The following RBM20 variants were observed in gnomAD, a reference collection of about 807,000 sequenced individuals.
RBM20 encodes the protein RNA binding motif protein 20.
A neutral mutation model predicts 110.1 loss-of-function variants in RBM20; 51 were observed. The ratio of observed to expected loss-of-function variants is 0.46; its 90% CI spans 0.37 to 0.59. The LOEUF is 0.59. RBM20 is among the 20% of genes least tolerant of loss of function. RBM20 has a pLI of 0.00. For missense variants in RBM20, 1,512 were observed against 1,574.9 expected, an observed-to-expected ratio of 0.96 and a Z score of 0.68; for synonymous variants, 589 against 618.2, an observed-to-expected ratio of 0.95 and a Z score of 0.70.
chr10:110,680,003 G>A (rs1489465282), intron 1 of RBM20, among the ~76,000 whole-genome samples: 1 of 152,194 alleles, frequency 6.6e-6, no homozygotes, highest in Non-Finnish European at 1.5e-5. Flanking sequence ...CTCATATTTT[G>A]AGATAAGGGC....
At chr10:110,729,965 G>T (rs1211265239) in intron 1 of RBM20, among the ~76,000 whole-genome samples, 1 of 152,138 alleles carries the variant, frequency 6.6e-6, no homozygotes, top group African/African-American at 2.4e-5. Context: ...ACAGGCATGC[G>T]CCACCATGCC....
At chr10:110,647,412 T>A (rs1861884218) in intron 1 of RBM20, among the ~76,000 whole-genome samples, 1 of 152,228 alleles carries the variant, frequency 6.6e-6, no homozygotes, top group Non-Finnish European at 1.5e-5. Context: ...TTTTCTGCTC[T>A]TGTTTACTGT....
intron 9 of RBM20, among the ~76,000 whole-genome samples, chr10:110,819,343 G>A (rs752210997): frequency 1.3e-5 from 2 of 152,204 alleles, no homozygotes; most frequent in Admixed American, 6.5e-5. Flanking sequence ...TTATGTAAAC[G>A]TGTAAAATTC....
At position 110,677,467 on chromosome 10, in the gene RBM20, C is replaced by T. The variant is rs188676108; in HGVS notation, c.191+32822C>T. ...CCGAGTAGCTGGGACTACGGGTGCC[C>T]ACCACCACGCCCAGCTAATTTTTTG... On this transcript the variant is annotated intron_variant, in intron 1 of 13. Transcript: ENST00000369519. Among the ~76,000 whole-genome samples, 123 of 152,176 alleles carry T rather than the reference C, an allele frequency of 8.1e-4. No individual in the cohort carries two copies. In the Middle Eastern group the frequency reaches 0.027, roughly 34 times the overall value.
Position 110,821,560 on chromosome 10 carries a change from C to T in RBM20, c.2941C>T (p.Pro981Ser). Residue 981 changes from proline to serine, a missense_variant, in exon 11 of 14, where the codon CCC (proline) becomes TCC (serine). Coordinates refer to ENST00000369519, the MANE Select transcript of RBM20 (RefSeq NM_001134363.3). ...GGCTGCAGAAATCAGCCTCAAGTCA[C>T]CCAGAGAACTGCCCTCTGCTTCCAC... The part of the protein sequence containing the change: ...NGAAEISLKS[P>S]RELPSASTSC... 6.4e-7 allele frequency: 1 copy of T among 1,551,222 alleles called. No individual in the cohort carries two copies. The highest frequency in any genetic ancestry group is 8.7e-7 in the Non-Finnish European group (1 of 1,146,382).
At chr10:110,758,570 C>A (rs1018614173) in intron 1 of RBM20, among the ~76,000 whole-genome samples, 1 of 152,120 alleles carries the variant, frequency 6.6e-6, no homozygotes, top group African/African-American at 2.4e-5. Flanking sequence ...GACAGTAGCA[C>A]TGGGACGTGA....
rs1276098360 is a variant in RBM20, at chr10:110,812,789, C to T, written c.2392C>T (p.Pro798Ser). Residue 798 changes from proline (P) to serine (S), a missense_variant, in exon 9 of 14, where the codon CCG becomes TCG. Pro to Ser is a moderately conservative substitution (Grantham distance 74, BLOSUM62 -1). Around this residue, in one of 3 missense-constraint regions of RBM20, gnomAD observed 1,149 missense variants for 1,169.4 expected, o/e 0.98. Transcript: ENST00000369519. ...ARLRESRHPHPDDSGKEDGLG... is the reference protein window; with the variant it reads ...ARLRESRHPHSDDSGKEDGLG... The stretch of plus-strand genomic sequence containing the variant: ...GCTGCGGGAAAGCAGACACCCCCAT[C>T]CGGATGACTCAGGCAAGGAAGATGG... 2 of 1,551,474 alleles carry T rather than the reference C, an allele frequency of 1.3e-6. No individual in the cohort carries two copies. The highest frequency in any genetic ancestry group is 1.7e-6 in the Non-Finnish European group (2 of 1,146,844).
intron 1 of RBM20, among the ~76,000 whole-genome samples, chr10:110,730,140 C>A (rs926626578): frequency 6.6e-6 from 1 of 152,092 alleles, no homozygotes; most frequent in African/African-American, 2.4e-5. Flanking sequence ...AAGACTAGTC[C>A]CAAGCACCAG....
chr10:110,746,232 A>C (rs1843778608), intron 1 of RBM20, among the ~76,000 whole-genome samples: 1 of 152,154 alleles, frequency 6.6e-6, no homozygotes, highest in Non-Finnish European at 1.5e-5. Context: ...AGGCCAATTG[A>C]GGTAGAGGCT....
rs535121368 is a variant in RBM20 at position 110,783,267 on chromosome 10, C to T, written c.1276-99C>T. 6.2e-5 allele frequency: 54 copies of T among 864,860 alleles called. No individual in the cohort carries two copies. The African/African-American group carries it at 7.2e-4, about 12-fold the overall frequency. The allele number at this position is 864,860 out of a possible 1,614,324, so 53.6% of individuals were successfully genotyped here. A position where few individuals can be genotyped will look rare whatever the true frequency, so the allele number is the denominator to read the frequency against. ...CTGCAGGGGTGGTCCAGCCTCTGGG[C>T]GCTCTGTGCTCCCTGCCTGACCAGT... On this transcript the variant is annotated intron_variant, in intron 2 of 13. Transcript: ENST00000369519.
chr10:110,687,995 T>TTGTGTGTG (rs60479740), intron 1 of RBM20, among the ~76,000 whole-genome samples: 83 of 145,472 alleles, frequency 5.7e-4, no homozygotes, highest in African/African-American at 1.6e-3. Flanking sequence ...CTAAATGGTT[T>TTGTGTGTG]TGTGTGTGTG....
intron 1 of RBM20, among the ~76,000 whole-genome samples, chr10:110,707,238 A>G (rs1233376861): frequency 1.3e-5 from 2 of 152,216 alleles, no homozygotes; most frequent in Non-Finnish European, 2.9e-5. Context: ...CTAGAAAAAC[A>G]TCTCATGTTG....
At chr10:110,797,703 A>G in intron 6 of RBM20, 55 bp downstream of exon 6, 1 of 1,491,204 alleles carries the variant, frequency 6.7e-7, no homozygotes, top group Non-Finnish European at 9.1e-7. Flanking sequence ...ACATTAGTGA[A>G]AGGGAACGAT....
chr10:110,672,409 C>A (rs1181299718), intron 1 of RBM20, among the ~76,000 whole-genome samples: 1 of 152,324 alleles, frequency 6.6e-6, no homozygotes, highest in East Asian at 1.9e-4. Context: ...AGGGGAGGCT[C>A]CCCTCGCCGA....
At chr10:110,807,505 G>T (rs11195334) in intron 7 of RBM20, among the ~76,000 whole-genome samples, 9,264 of 152,272 alleles carry the variant, frequency 0.061, 397 homozygotes, top group Non-Finnish European at 0.095. Context: ...AGGGCCTGGG[G>T]GTGCCATCTG....
chr10:110,781,226 C>T lies in RBM20; in HGVS notation c.617C>T (p.Thr206Ile), dbSNP rs1844340458. ...CCTTTCACTGGGGTAATGCCTCAGA[C>T]CCCTGGCCAGCCAGCAGTCATCTTG... ...MHPFTGVMPQ[T>I]PGQPAVILGI... Residue 206 changes from threonine to isoleucine, a missense_variant, in exon 2 of 14, where the codon ACC becomes ATC. Coordinates refer to ENST00000369519, the MANE Select transcript of RBM20 (RefSeq NM_001134363.3). The T allele has an allele frequency of 6.4e-7, 1 of 1,551,678 alleles. No homozygotes were observed. The highest frequency in any genetic ancestry group is 8.7e-7 in the Non-Finnish European group (1 of 1,147,000).
chr10:110,731,238 T>A (rs1413742834), intron 1 of RBM20, among the ~76,000 whole-genome samples: 1 of 152,222 alleles, frequency 6.6e-6, no homozygotes, highest in East Asian at 1.9e-4. Flanking sequence ...TCCTCTCACC[T>A]CCTCCATGTC....
At chr10:110,796,026 A>G (rs1249196652) in intron 5 of RBM20, among the ~76,000 whole-genome samples, 2 of 152,202 alleles carry the variant, frequency 1.3e-5, no homozygotes, top group African/African-American at 4.8e-5. Context: ...CAAGCTAAAA[A>G]TATTTCGAAA....
chr10:110,695,051 C>T (rs1862641207), intron 1 of RBM20, among the ~76,000 whole-genome samples: 1 of 152,144 alleles, frequency 6.6e-6, no homozygotes, highest in Non-Finnish European at 1.5e-5. Flanking sequence ...GATATTGTCA[C>T]TTCAAAGGAT....
Sources: gnomAD v4.1 joint callset for allele counts (sites outside exome capture counted in the v4.1 genomes callset) on GRCh38, gnomAD v4.1.1 for gene constraint, gnomAD v4.1.1 regional missense constraint, MANE v1.5 for transcripts, NCBI Gene and HGNC (gene_info 2026-07-23, HGNC 2026-07-21) for gene names.